The following IGFN1 variants were observed in gnomAD, a reference collection of about 807,000 sequenced individuals.
IGFN1 encodes immunoglobulin like and fibronectin type III domain containing 1.
A neutral mutation model predicts 289.5 loss-of-function variants in IGFN1; 253 were observed. The ratio of observed to expected loss-of-function variants is 0.87; its 90% CI spans 0.79 to 0.97. IGFN1 has a LOEUF of 0.97. IGFN1 is among the 50% of genes least tolerant of loss of function. IGFN1 has a pLI of 0.00. For synonymous variants in IGFN1, 1,706 were observed against 1,788.5 expected, an observed-to-expected ratio of 0.95 and a Z score of 1.16; for missense variants, 4,470 against 4,686.1, an observed-to-expected ratio of 0.95 and a Z score of 1.35.
chr1:201,206,064 G>C lies in IGFN1; in HGVS notation c.1190-19G>C. ...CCATGTGGGCACTGACCTTCCATAT[G>C]AATAACCCCTCACTGAAGCTGGGAA... is the stretch of plus-strand genomic sequence containing the variant. On this transcript the variant is annotated intron_variant, in intron 11 of 23. Coordinates refer to ENST00000335211, the MANE Select transcript of IGFN1 (RefSeq NM_001164586.2). The C allele has an allele frequency of 6.7e-7, 1 of 1,495,358 alleles. No homozygotes were observed. The highest frequency in any genetic ancestry group is 1.4e-5 in the African/African-American group (1 of 71,678). 92.6% of individuals were successfully genotyped at this position (1,495,358 alleles called of 1,614,324 possible). A position where few individuals can be genotyped will look rare whatever the true frequency, so the allele number is the denominator to read the frequency against.
At position 201,193,335 on chromosome 1, in the gene IGFN1, C is replaced by G. The variant is rs1365848520; in HGVS notation, c.7+35C>G. ...GAACTAATCTCCCCTCCCCAGCCCT[C>G]CCTGGCGATCCTTACCAGGACAGAG... On this transcript the variant is annotated intron_variant, in intron 2 of 23. Transcript: ENST00000335211. 26 of 1,506,124 alleles carry G rather than the reference C, an allele frequency of 1.7e-5. 1 individual carries two copies. The highest frequency in any genetic ancestry group is 1.8e-5 in the Non-Finnish European group (20 of 1,105,146). The allele number at this position is 1,506,124 out of a possible 1,614,324, so 93.3% of individuals were successfully genotyped here.
chr1:201,215,288 A>C (rs895872259), intron 14 of IGFN1, 134 bp downstream of exon 14: 1 of 1,103,276 alleles, frequency 9.1e-7, no homozygotes, highest in Non-Finnish European at 1.3e-6. Flanking sequence ...CCCAGAGAAG[A>C]TGATTTAAAA....
In IGFN1 at chr1:201,210,445, A is replaced by G; in HGVS notation, c.5552A>G (p.Glu1851Gly). The G allele has an allele frequency of 7.5e-7, 1 of 1,341,832 alleles. No homozygotes were observed. Among genetic ancestry groups the G allele is most frequent in the Admixed American group, 2.4e-5 (1 of 41,276 alleles). The allele number at this position is 1,341,832 out of a possible 1,614,324, so 83.1% of individuals were successfully genotyped here. A position where few individuals can be genotyped will look rare whatever the true frequency, so the allele number is the denominator to read the frequency against. ...GGSGEMGSVN[E>G]AGYRKDLGAP... ...TCTGGAGAAATGGGGTCAGTGAATG[A>G]AGCAGGTTATAGGAAGGATTTGGGT... is the stretch of plus-strand genomic sequence containing the variant. The change falls in exon 12 of 24, where the codon GAA becomes GGA. Residue 1851 changes from glutamate to glycine, a missense_variant. Around this residue, in one of 8 missense-constraint regions of IGFN1, gnomAD observed 33 missense variants for 259.7 expected, o/e 0.13. Coordinates refer to ENST00000335211, the MANE Select transcript of IGFN1 (RefSeq NM_001164586.2).
At chr1:201,194,051 C>T (rs1666773887) in intron 2 of IGFN1, 103 bp from the exon 3 acceptor site, 1 of 1,358,258 alleles carries the variant, frequency 7.4e-7, no homozygotes, top group Non-Finnish European at 1.0e-6. Context: ...CGAGAAGGGG[C>T]TTCTTGCTCC....
chr1:201,207,502 G>A lies in IGFN1; in HGVS notation c.2609G>A (p.Gly870Asp). Residue 870 changes from glycine to aspartate, a missense_variant, in exon 12 of 24, where the codon GGT becomes GAT. Gly to Asp is a moderately conservative substitution (Grantham distance 94, BLOSUM62 -1). Coordinates refer to ENST00000335211, the MANE Select transcript of IGFN1 (RefSeq NM_001164586.2). ...GPSGGQEGMGGIWVAGLTESG... is the reference protein window; with the variant it reads ...GPSGGQEGMGDIWVAGLTESG... ...AGTGGAGGACAAGAGGGTATGGGTGGTATCTGGGTGGCTGGACTGACGGAG... is the reference window on the plus strand; with the variant it reads ...AGTGGAGGACAAGAGGGTATGGGTGATATCTGGGTGGCTGGACTGACGGAG... The A allele has an allele frequency of 1.3e-6, 2 of 1,535,194 alleles. No individual in the cohort carries two copies. Among genetic ancestry groups the A allele is most frequent in the Non-Finnish European group, 1.7e-6 (2 of 1,145,934 alleles).
At chr1:201,224,244 G>C (rs1305537970) in intron 20 of IGFN1, among the ~76,000 whole-genome samples, 2 of 152,086 alleles carry the variant, frequency 1.3e-5, no homozygotes, top group Non-Finnish European at 2.9e-5. Flanking sequence ...ACATGGTCTT[G>C]GCTGCCAGGG....
chr1:201,206,439 A>G lies in IGFN1; in HGVS notation c.1546A>G (p.Arg516Gly), dbSNP rs779283233. 8 of 1,551,088 alleles carry G rather than the reference A, an allele frequency of 5.2e-6. No homozygotes were observed. In the African/African-American group the frequency reaches 9.6e-5, roughly 19 times the overall value. Reference sequence around the variant, plus strand: ...ATCCCACAGAGAGGGAGGCTGGGCCAGAAGCCTTGCAGAGAGGCCCCATCT... The same window carrying G: ...ATCCCACAGAGAGGGAGGCTGGGCCGGAAGCCTTGCAGAGAGGCCCCATCT... The part of the protein sequence containing the change: ...NQSHREGGWA[R>G]SLAERPHLQG... The change falls in exon 12 of 24, where the codon AGA becomes GGA. Residue 516 changes from arginine (R) to glycine (G), a missense_variant. Physicochemically the swap from Arg to Gly is moderately radical, Grantham distance 125 (BLOSUM62 -2). Around this residue, in one of 8 missense-constraint regions of IGFN1, gnomAD observed 2,011 missense variants for 1,953.4 expected, o/e 1.03. Coordinates refer to ENST00000335211, the MANE Select transcript of IGFN1 (RefSeq NM_001164586.2).
intron 18 of IGFN1, among the ~76,000 whole-genome samples, chr1:201,220,981 A>G (rs572771706): frequency 2.6e-5 from 4 of 152,252 alleles, no homozygotes; most frequent in African/African-American, 9.6e-5. Context: ...AGGTGGGGCT[A>G]TTATTATTGT....
At position 201,209,003 on chromosome 1, in the gene IGFN1, C is replaced by A. The variant is rs1413648004; in HGVS notation, c.4110C>A (p.Ile1370=). The change falls in exon 12 of 24, where the codon ATC becomes ATA. Residue 1370 remains isoleucine, a synonymous_variant. Coordinates refer to ENST00000335211, the MANE Select transcript of IGFN1 (RefSeq NM_001164586.2). ...GTGGTTTAAAGGGTTCCAGGGAAAT[C>A]GGGTCAATGGATGAAACAGATAATA... The part of the protein sequence containing the change: ...YSGGLKGSRE[I]GSMDETDNRK... The A allele has an allele frequency of 1.3e-6, 2 of 1,533,110 alleles. No individual in the cohort carries two copies. The highest frequency in any genetic ancestry group is 2.0e-5 in the Admixed American group (1 of 50,534). The allele number at this position is 1,533,110 out of a possible 1,614,324, so 95.0% of individuals were successfully genotyped here. A position where few individuals can be genotyped will look rare whatever the true frequency, so the allele number is the denominator to read the frequency against.
In IGFN1 at chr1:201,228,762, G is replaced by T. The variant is rs1226190855; in HGVS notation, c.*363G>T. The T allele has an allele frequency of 1.0e-5, 3 of 295,028 alleles. No homozygotes were observed. The highest frequency in any genetic ancestry group is 2.2e-5 in the African/African-American group (1 of 45,352). 18.3% of individuals were successfully genotyped at this position (295,028 alleles called of 1,614,324 possible). A position where few individuals can be genotyped will look rare whatever the true frequency, so the allele number is the denominator to read the frequency against. ...GCTGAGCCGTTTGGAGGGAGGGTGG[G>T]CACAGCTGGGCCTGCTGTGACCACT... On this transcript the variant is annotated 3_prime_UTR_variant, in exon 24 of 24. Coordinates refer to ENST00000335211, the MANE Select transcript of IGFN1 (RefSeq NM_001164586.2).
intron 1 of IGFN1, 50 bp downstream of exon 1, chr1:201,190,957 G>A (rs1229073699): frequency 1.3e-5 from 2 of 152,250 alleles, no homozygotes; most frequent in African/African-American, 2.4e-5. Context: ...GGTAGGGCCA[G>A]GATGGAGACA....
At chr1:201,214,953 G>T in intron 13 of IGFN1, 60 bp from the exon 14 acceptor site, 6 of 1,570,780 alleles carry the variant, frequency 3.8e-6, no homozygotes, top group Non-Finnish European at 5.2e-6. Context: ...CTGGTTAGCT[G>T]GCCTGAAGGA....
In IGFN1 at chr1:201,209,336, T is replaced by C; in HGVS notation, c.4443T>C (p.Gly1481=). 6.7e-7 allele frequency: 1 copy of C among 1,484,950 alleles called. No homozygotes were observed. The highest frequency in any genetic ancestry group is 8.9e-7 in the Non-Finnish European group (1 of 1,126,490). The allele number at this position is 1,484,950 out of a possible 1,614,324, so 92.0% of individuals were successfully genotyped here. Reference sequence around the variant, plus strand: ...GGAGCAAGGCAGGTTACAGGGGTGGTTTAAGGGGTTCTGGGGAAATGGGGT... The same window carrying C: ...GGAGCAAGGCAGGTTACAGGGGTGGCTTAAGGGGTTCTGGGGAAATGGGGT... The part of the protein sequence containing the change: ...DSGSKAGYRG[G]LRGSGEMGLI... The change falls in exon 12 of 24, where the codon GGT becomes GGC. Residue 1481 remains glycine, a synonymous_variant. Coordinates refer to ENST00000335211, the MANE Select transcript of IGFN1 (RefSeq NM_001164586.2).
rs538794273 is a variant in IGFN1, at chr1:201,207,304, G to A, written c.2411G>A (p.Gly804Asp). Reference sequence around the variant, plus strand: ...GGCCAGGAAACAGCTTGGGCCTCGGGTGAGGTAGAGTATGACCCCAGAAGC... The same window carrying A: ...GGCCAGGAAACAGCTTGGGCCTCGGATGAGGTAGAGTATGACCCCAGAAGC... ...RDGQETAWAS[G>D]EVEYDPRSFQ... The change falls in exon 12 of 24, where the codon GGT becomes GAT. Residue 804 changes from glycine to aspartate, a missense_variant. Transcript: ENST00000335211. 1.0e-5 allele frequency: 16 copies of A among 1,536,670 alleles called. No homozygotes were observed. Among genetic ancestry groups the A allele is most frequent in the Non-Finnish European group, 1.4e-5 (16 of 1,146,906 alleles).
rs1485640040 is a variant in IGFN1 at position 201,207,156 on chromosome 1, G to T, written c.2263G>T (p.Glu755Ter). 6.5e-7 allele frequency: 1 copy of T among 1,537,006 alleles called. No individual in the cohort carries two copies. Among genetic ancestry groups the T allele is most frequent in the East Asian group, 2.4e-5 (1 of 40,924 alleles). Residue 755 changes from glutamate to a stop codon, truncating the protein, a stop_gained, in exon 12 of 24, where the codon GAG (glutamate) becomes TAG (stop). Coordinates refer to ENST00000335211, the MANE Select transcript of IGFN1 (RefSeq NM_001164586.2). LOFTEE classifies it high-confidence loss of function. ...GATCAAAGCTGAAGACTCACTGCAG[G>T]AGGCAGATGGTATATGCCGGGGGGA... ...PEIKAEDSLQ[E>*]ADGICRGESV... is the part of the protein sequence containing the mutation.
chr1:201,198,335 C>T (rs1667000689), intron 5 of IGFN1, among the ~76,000 whole-genome samples: 1 of 152,190 alleles, frequency 6.6e-6, no homozygotes. Flanking sequence ...AGGGTTTCAC[C>T]ACGTTGGCCA....
intron 14 of IGFN1, 109 bp from the exon 15 acceptor site, chr1:201,215,430 C>A: frequency 1.0e-6 from 1 of 997,168 alleles, no homozygotes; most frequent in Non-Finnish European, 1.5e-6. Context: ...TGTGGTGGGG[C>A]AGGGGATTCC....
chr1:201,206,244 G>A lies in IGFN1; in HGVS notation c.1351G>A (p.Ala451Thr). 1 of 1,547,268 alleles carries A rather than the reference G, an allele frequency of 6.5e-7. No homozygotes were observed. The highest frequency in any genetic ancestry group is 8.7e-7 in the Non-Finnish European group (1 of 1,145,454). The change falls in exon 12 of 24, where the codon GCT (alanine) becomes ACT (threonine). Residue 451 changes from alanine (A) to threonine (T), a missense_variant. Transcript: ENST00000335211. ...RGGSLEGAGP[A>T]SGLQHIASPD... ...GGGCTCCCTTGAAGGGGCTGGGCCG[G>A]CTTCTGGGCTCCAGCACATAGCCAG...
At chr1:201,228,278 G>T in intron 23 of IGFN1, 108 bp from the exon 24 acceptor site, 1 of 1,140,718 alleles carries the variant, frequency 8.8e-7, no homozygotes, top group Non-Finnish European at 1.3e-6. Flanking sequence ...ACCCCCTGAT[G>T]GCAGAGCCTG....
Sources: gnomAD v4.1 joint callset for allele counts (sites outside exome capture counted in the v4.1 genomes callset) on GRCh38, gnomAD v4.1.1 for gene constraint, gnomAD v4.1.1 regional missense constraint, MANE v1.5 for transcripts, NCBI Gene and HGNC (gene_info 2026-07-23, HGNC 2026-07-21) for gene names.